BIN2: variants seen among roughly 807,000 people sequenced by gnomAD.
BIN2 encodes breast cancer associated protein BRAP1.
Under a neutral mutation model 67.9 loss-of-function variants are expected in BIN2, and 43 were observed. That is an observed-to-expected ratio of 0.63 (90% CI 0.50 to 0.82). BIN2 has a LOEUF of 0.82. Ranked by LOEUF, BIN2 falls within the 40% of genes least tolerant of loss-of-function variation. BIN2 has a pLI of 0.00. For missense variants in BIN2, 581 were observed against 671.6 expected (o/e 0.87, Z 1.49); for synonymous variants, 244 against 246.8 (o/e 0.99, Z 0.11).
At chr12:51,281,588 AG>A (rs771883604) in intron 12 of BIN2, 60 bp from the exon 13 acceptor site, 2 of 1,563,066 alleles carry the variant, frequency 1.3e-6, no homozygotes, top group Non-Finnish European at 1.8e-6. Flanking sequence ...CCACTTATGG[AG>A]GGGTTAAACT....
intron 4 of BIN2, 127 bp from the exon 5 acceptor site, chr12:51,302,242 T>A (rs762507462): frequency 6.2e-6 from 4 of 644,274 alleles, no homozygotes; most frequent in Non-Finnish European, 8.2e-6. Flanking sequence ...CCATGTTGGA[T>A]TCTGGGGACT....
rs1226177449 is a variant in BIN2 at position 51,295,848 on chromosome 12, T to G, written c.709A>C (p.Lys237Gln). The G allele has an allele frequency of 6.2e-7, 1 of 1,613,184 alleles. No individual in the cohort carries two copies. The highest frequency in any genetic ancestry group is 8.5e-7 in the Non-Finnish European group (1 of 1,179,652). Residue 237 changes from lysine (K) to glutamine (Q), a missense_variant, in exon 9 of 13, where the codon AAA becomes CAA. Transcript: ENST00000615107. ...LNHNLYEVMS[K>Q]LEKQHSNKVF... ...TTATTGGAATGTTGCTTCTCCAGTT[T>G]GCTCATCACCTCGTAGAGATTGTGG... is the stretch of plus-strand genomic sequence containing the variant.
chr12:51,300,188 T>A (rs893252105), intron 5 of BIN2, among the ~76,000 whole-genome samples: 3 of 152,074 alleles, frequency 2.0e-5, no homozygotes, highest in African/African-American at 7.2e-5. Context: ...TCCCTCAGTA[T>A]CTGGGAAGAA....
chr12:51,288,511 T>C (rs1052962494), intron 10 of BIN2, among the ~76,000 whole-genome samples: 16 of 152,198 alleles, frequency 1.1e-4, no homozygotes, highest in Non-Finnish European at 2.2e-4. Context: ...TTATCATTAC[T>C]AGATTGTAAT....
intron 9 of BIN2, 96 bp downstream of exon 9, chr12:51,295,700 A>T (rs878928556): frequency 2.1e-6 from 2 of 959,104 alleles, no homozygotes; most frequent in Non-Finnish European, 3.2e-6. Context: ...GCACATGCAC[A>T]TAAGGGACAG....
chr12:51,291,611 G>A lies in BIN2; in HGVS notation c.1495C>T (p.Pro499Ser). 3.1e-6 allele frequency: 5 copies of A among 1,607,578 alleles called. No individual in the cohort carries two copies. The highest frequency in any genetic ancestry group is 1.1e-5 in the South Asian group (1 of 90,650). ...CTTACCTGAGATGTCATTAAGGTGG[G>A]GGAAGTACAAAGTTCTTCAGGGTTC... ...NQNPEELCTS[P>S]TLMTSQVASE... Residue 499 changes from proline to serine, a missense_variant, in exon 10 of 13, where the codon CCC becomes TCC. By Grantham distance (74) the Pro-to-Ser change is moderately conservative. Transcript: ENST00000615107.
Position 51,281,481 on chromosome 12 carries a change from A to C in BIN2, c.*18T>G, listed in dbSNP as rs1945118727. ...CTCTGGCGAGGTTTGGGGCAGGAGGAGTCTTGGTAGTTTCTCTTCAGAGTT... is the reference window on the plus strand; with the variant it reads ...CTCTGGCGAGGTTTGGGGCAGGAGGCGTCTTGGTAGTTTCTCTTCAGAGTT... On this transcript the variant is annotated 3_prime_UTR_variant, in exon 13 of 13. Transcript: ENST00000615107. 1 of 1,612,958 alleles carries C rather than the reference A, an allele frequency of 6.2e-7. No individual in the cohort carries two copies.
At position 51,305,716 on chromosome 12, in the gene BIN2, ATTTAC is replaced by A. The variant is rs576039243; in HGVS notation, c.163-2580_163-2576del. On this transcript the variant is annotated intron_variant, in intron 2 of 12. Coordinates refer to ENST00000615107, the MANE Select transcript of BIN2 (RefSeq NM_016293.4). The stretch of plus-strand genomic sequence containing the variant: ...TGGAAATCTTTGGGGAAAGGTCACT[ATTTAC>A]TTAATTTTAGCAGCAGAAAATTTAG... Among the ~76,000 whole-genome samples, 401 of 151,544 alleles carry A rather than the reference ATTTAC, an allele frequency of 2.6e-3. 1 individual carries two copies. The highest frequency in any genetic ancestry group is 9.3e-3 in the African/African-American group (386 of 41,332).
chr12:51,282,465 A>G (rs1437493707), intron 12 of BIN2, among the ~76,000 whole-genome samples: 2 of 152,186 alleles, frequency 1.3e-5, no homozygotes, highest in African/African-American at 4.8e-5. Flanking sequence ...ATGCTGGTAT[A>G]AACAAACTTA....
Position 51,291,799 on chromosome 12 carries a change from C to T in BIN2, c.1307G>A (p.Ser436Asn). The change falls in exon 10 of 13, where the codon AGC (serine) becomes AAC (asparagine). Residue 436 changes from serine (S) to asparagine (N), a missense_variant. Transcript: ENST00000615107. Reference sequence around the variant, plus strand: ...TGAACCCCCTCCAGAGGCTGTAGGGCTGGAAGGTATGTTCCCTGAGGAGGG... The same window carrying T: ...TGAACCCCCTCCAGAGGCTGTAGGGTTGGAAGGTATGTTCCCTGAGGAGGG... ...PRPSSGNIPS[S>N]PTASGGGSPT... 2 of 1,613,870 alleles carry T rather than the reference C, an allele frequency of 1.2e-6. No homozygotes were observed.
In BIN2 at chr12:51,318,774, A is replaced by T. The variant is rs148123033; in HGVS notation, c.82-4871T>A. ...ATAATATTTATCTCCTTGAGTTGTC[A>T]GGAGGATTAAATGATATTTTGCATG... On this transcript the variant is annotated intron_variant, in intron 1 of 12. Coordinates refer to ENST00000615107, the MANE Select transcript of BIN2 (RefSeq NM_016293.4). Among the ~76,000 whole-genome samples, 41 of 152,296 alleles carry T rather than the reference A, an allele frequency of 2.7e-4. No individual in the cohort carries two copies. The East Asian group carries it at 6.5e-3, about 24-fold the overall frequency.
rs186723236 is a variant in BIN2 at position 51,317,676 on chromosome 12, T to C, written c.82-3773A>G. Among the ~76,000 whole-genome samples the C allele has an allele frequency of 7.4e-4, 111 of 150,612 alleles. 2 individuals carry two copies. In the East Asian group the frequency reaches 0.02, roughly 27 times the overall value. On this transcript the variant is annotated intron_variant, in intron 1 of 12. Coordinates refer to ENST00000615107, the MANE Select transcript of BIN2 (RefSeq NM_016293.4). ...TGTCTCAAAAAACAAAACAAAAAAT[T>C]AAATTAAATTAAATTAAAAAAGAAA...
At chr12:51,295,617 T>A (rs1332178473) in intron 9 of BIN2, among the ~76,000 whole-genome samples, 179 bp downstream of exon 9, 8,948 of 60,762 alleles carry the variant, frequency 0.15, 2,111 homozygotes, top group East Asian at 0.59. Context: ...TATATATATA[T>A]ATATATATAT....
chr12:51,307,104 G>A (rs1945883731), intron 2 of BIN2, among the ~76,000 whole-genome samples: 1 of 151,898 alleles, frequency 6.6e-6, no homozygotes, highest in South Asian at 2.1e-4. Context: ...CCAACATGGT[G>A]AAACCCTGTC....
chr12:51,312,629 T>C (rs1226329976), intron 2 of BIN2, among the ~76,000 whole-genome samples: 1 of 152,142 alleles, frequency 6.6e-6, no homozygotes, highest in East Asian at 1.9e-4. Context: ...TGATTGCCCA[T>C]GAGTGGATAA....
At position 51,281,341 on chromosome 12, in the gene BIN2, C is replaced by T. The variant is rs1362808052; in HGVS notation, c.*158G>A. 1.4e-5 allele frequency: 10 copies of T among 734,572 alleles called. No individual in the cohort carries two copies. The highest frequency in any genetic ancestry group is 2.4e-5 in the Non-Finnish European group (10 of 423,674). The allele number at this position is 734,572 out of a possible 1,614,324, so 45.5% of individuals were successfully genotyped here. A position where few individuals can be genotyped will look rare whatever the true frequency, so the allele number is the denominator to read the frequency against. On this transcript the variant is annotated 3_prime_UTR_variant, in exon 13 of 13. Transcript: ENST00000615107. The stretch of plus-strand genomic sequence containing the variant: ...CCTCCATCCCTCCCGTAAGGCTGCT[C>T]CTCCGCCTCCATTAATGCCAGGTCT...
At chr12:51,297,301 G>T in intron 7 of BIN2, 137 bp from the exon 8 acceptor site, 6 of 749,052 alleles carry the variant, frequency 8.0e-6, no homozygotes, top group Non-Finnish European at 1.1e-5. Flanking sequence ...GGGCACAGTG[G>T]CTCACGCCTG....
chr12:51,282,128 T>G (rs1945131719), intron 12 of BIN2, among the ~76,000 whole-genome samples: 1 of 152,188 alleles, frequency 6.6e-6, no homozygotes, highest in Non-Finnish European at 1.5e-5. Context: ...ATGGTCATCC[T>G]TAGTAAGCTT....
rs1372935702 is a variant in BIN2, at chr12:51,291,841, G to A, written c.1265C>T (p.Ala422Val). The A allele has an allele frequency of 6.2e-7, 1 of 1,613,996 alleles. No homozygotes were observed. Among genetic ancestry groups the A allele is most frequent in the East Asian group, 2.2e-5 (1 of 44,880 alleles). The change falls in exon 10 of 13, where the codon GCC becomes GTC. Residue 422 changes from alanine to valine, a missense_variant. Transcript: ENST00000615107. ...APPSRPPPPR[A>V]TASPRPSSGN... ...TGAGGAGGGCCTGGGGCTTGCAGTG[G>A]CTCTGGGTGGAGGAGGCCTACTAGG...
Sources: gnomAD v4.1 joint callset for allele counts (sites outside exome capture counted in the v4.1 genomes callset) on GRCh38, gnomAD v4.1.1 for gene constraint, MANE v1.5 for transcripts, NCBI Gene and HGNC (gene_info 2026-07-23, HGNC 2026-07-21) for gene names.